Variants in RIGI observed in about 807,000 individuals in gnomAD.
The protein encoded by RIGI is RNA sensor RIG-I, also known as antiviral innate immune response receptor RIG-I.
chr9:32,487,383 C>T, the RIGI span: 1 of 1,299,794 alleles, frequency 7.7e-7, no homozygotes, highest in South Asian at 1.4e-5. Flanking sequence ...GAGAGAGGGT[C>T]AAAGTTCAGT....
chr9:32,518,702 T>C, the RIGI span, among the ~76,000 whole-genome samples: 2 of 152,334 alleles, frequency 1.3e-5, no homozygotes, highest in African/African-American at 4.8e-5. Flanking sequence ...TAGTTAACCA[T>C]GAAGCCAGAT....
the RIGI span, among the ~76,000 whole-genome samples, chr9:32,523,231 A>C: frequency 6.6e-6 from 1 of 152,182 alleles, no homozygotes; most frequent in South Asian, 2.1e-4. Flanking sequence ...GCAGCCAGCA[A>C]AAGAACCTAG....
chr9:32,491,947 T>C, the RIGI span, among the ~76,000 whole-genome samples: 3 of 152,190 alleles, frequency 2.0e-5, no homozygotes, highest in Non-Finnish European at 4.4e-5. Flanking sequence ...AGACACTTAA[T>C]GACAACCAAT....
chr9:32,467,406 G>C, the RIGI span, among the ~76,000 whole-genome samples: 1 of 152,204 alleles, frequency 6.6e-6, no homozygotes, highest in Non-Finnish European at 1.5e-5. Context: ...TCCAGGTGGG[G>C]CAGAACAACT....
the RIGI span, among the ~76,000 whole-genome samples, chr9:32,523,337 C>A: frequency 6.6e-6 from 1 of 152,316 alleles, no homozygotes; most frequent in East Asian, 1.9e-4. Context: ...GACCCTTTTC[C>A]TGAACTCCAC....
At chr9:32,485,800 A>G in the RIGI span, among the ~76,000 whole-genome samples, 5 of 151,834 alleles carry the variant, frequency 3.3e-5, no homozygotes, top group Admixed American at 6.6e-5. Flanking sequence ...TGGCCTCCCA[A>G]AGTGCTGGGA....
chr9:32,492,987 A>T, the RIGI span, among the ~76,000 whole-genome samples: 2 of 152,242 alleles, frequency 1.3e-5, no homozygotes, highest in South Asian at 4.1e-4. Flanking sequence ...CAAGACATAC[A>T]TGAGTACTTT....
the RIGI span, chr9:32,488,726 A>G: frequency 6.3e-7 from 1 of 1,599,212 alleles, no homozygotes; most frequent in Non-Finnish European, 8.5e-7. Context: ...AGCAACTATT[A>G]TACCTACCCA....
At chr9:32,491,354 T>G in the RIGI span, 3 of 1,613,288 alleles carry the variant, frequency 1.9e-6, no homozygotes, top group African/African-American at 4.0e-5. Context: ...ATCTTCTTGG[T>G]AGAAAATCTG....
chr9:32,474,396 A>T, the RIGI span, among the ~76,000 whole-genome samples: 1 of 152,156 alleles, frequency 6.6e-6, no homozygotes, highest in African/African-American at 2.4e-5. Context: ...TTCTGTATTC[A>T]GATCCTCATG....
the RIGI span, among the ~76,000 whole-genome samples, chr9:32,495,198 TTTTTA>T: frequency 6.6e-6 from 1 of 152,014 alleles, no homozygotes; most frequent in African/African-American, 2.4e-5. Context: ...TTATTTTCTG[TTTTTA>T]TTTTATTTTA....
At chr9:32,458,059 G>C in the RIGI span, among the ~76,000 whole-genome samples, 8 of 152,154 alleles carry the variant, frequency 5.3e-5, no homozygotes, top group Non-Finnish European at 1.2e-4. Context: ...ACTCCTAATA[G>C]GCTTTTTGCC....
chr9:32,500,698 C>T, the RIGI span: 1 of 1,339,108 alleles, frequency 7.5e-7, no homozygotes, highest in Admixed American at 2.2e-5. Flanking sequence ...GACTAAGAGG[C>T]ATGAACTATA....
At chr9:32,480,821 C>T in the RIGI span, among the ~76,000 whole-genome samples, 1 of 152,164 alleles carries the variant, frequency 6.6e-6, no homozygotes, top group African/African-American at 2.4e-5. Flanking sequence ...TCTACAAATG[C>T]ATGCTAATTG....
chr9:32,521,139 C>CAAAA, the RIGI span, among the ~76,000 whole-genome samples: 541 of 32,768 alleles, frequency 0.017, 93 homozygotes, highest in African/African-American at 0.061. Context: ...GACACCATCT[C>CAAAA]AAAAAAAAAA....
the RIGI span, among the ~76,000 whole-genome samples, chr9:32,523,018 C>T: frequency 6.6e-6 from 1 of 152,172 alleles, no homozygotes; most frequent in African/African-American, 2.4e-5. Context: ...CAATGAGACA[C>T]CAGGCCCCTC....
chr9:32,459,608 A>AC, the RIGI span: 2 of 1,157,272 alleles, frequency 1.7e-6, no homozygotes, highest in African/African-American at 3.1e-5. Flanking sequence ...ACATGCACGC[A>AC]CATGTATAAT....
the RIGI span, among the ~76,000 whole-genome samples, chr9:32,513,141 C>T: frequency 6.6e-6 from 1 of 151,840 alleles, no homozygotes. Context: ...AATGGCCATA[C>T]TGCCCAAGGT....
At chr9:32,485,243 A>T in the RIGI span, 1 of 1,606,294 alleles carries the variant, frequency 6.2e-7, no homozygotes, top group African/African-American at 1.3e-5. Context: ...GATGTATTTA[A>T]ATTTGTCGCT....
Sources: gnomAD v4.1 joint callset for allele counts (sites outside exome capture counted in the v4.1 genomes callset) on GRCh38, gnomAD v4.1.1 for gene constraint, MANE v1.5 for transcripts, NCBI Gene and HGNC (gene_info 2026-07-23, HGNC 2026-07-21) for gene names.